Variants in NSUN2 observed in about 807,000 individuals in gnomAD.
NSUN2 encodes RNA cytosine C(5)-methyltransferase NSUN2.
Under a neutral mutation model 92.7 loss-of-function variants are expected in NSUN2, and 63 were observed. The observed-to-expected ratio is 0.68, with a 90% CI of 0.56 to 0.84. The LOEUF (loss-of-function observed/expected upper bound fraction) is 0.84, where lower values mean the gene tolerates loss of function less well. Ranked by LOEUF, NSUN2 falls within the 40% of genes least tolerant of loss-of-function variation. The pLI is 0.00. For missense variants in NSUN2, 989 were observed against 964.9 expected (o/e 1.02, Z -0.33); for synonymous variants, 356 against 348.3 (o/e 1.02, Z -0.25).
chr5:6,632,027 A>G, intron 2 of NSUN2, 50 bp from the exon 3 acceptor site: 1 of 1,374,686 alleles, frequency 7.3e-7, no homozygotes, highest in East Asian at 2.3e-5. Flanking sequence ...CTAAGTTAAT[A>G]CATTGTATCT....
rs1560979401 is a variant in NSUN2, at chr5:6,616,955, A to G, written c.891-98T>C. 4.5e-6 allele frequency: 5 copies of G among 1,104,246 alleles called. No individual in the cohort carries two copies. The East Asian group carries it at 7.8e-5, about 17-fold the overall frequency. 68.4% of individuals were successfully genotyped at this position (1,104,246 alleles called of 1,614,324 possible). ...TGTCACATATTCATTACAAGCTTTT[A>G]TAACACAATTATACTTAAAAAAAAC... On this transcript the variant is annotated intron_variant, in intron 8 of 18. Coordinates refer to ENST00000264670, the MANE Select transcript of NSUN2 (RefSeq NM_017755.6).
At position 6,611,777 on chromosome 5, in the gene NSUN2, A is replaced by C. The variant is rs1264021638; in HGVS notation, c.1043T>G (p.Val348Gly). 1.9e-6 allele frequency: 3 copies of C among 1,614,092 alleles called. No homozygotes were observed. The African/African-American group carries it at 4.0e-5, about 22-fold the overall frequency. The change falls in exon 10 of 19, where the codon GTG becomes GGG. Residue 348 changes from valine (V) to glycine (G), a missense_variant. By Grantham distance (109) the Val-to-Gly change is moderately radical (BLOSUM62 -3). Transcript: ENST00000264670. The stretch of plus-strand genomic sequence containing the variant: ...CTTCAGCCCTGGCAGTTCATTAGAC[A>C]CATCAGCAAGCTCCAAAGCACCTGT... ...KSEGALELAD[V>G]SNELPGLKWM...
intron 3 of NSUN2, among the ~76,000 whole-genome samples, chr5:6,630,617 G>C (rs1379071690): frequency 6.6e-6 from 1 of 152,180 alleles, no homozygotes; most frequent in Non-Finnish European, 1.5e-5. Flanking sequence ...CATTCATTGT[G>C]AATGTATATG....
chr5:6,614,252 C>A (rs901250468), intron 9 of NSUN2, among the ~76,000 whole-genome samples: 1 of 152,090 alleles, frequency 6.6e-6, no homozygotes, highest in Admixed American at 6.5e-5. Context: ...AAAGAACCAG[C>A]CAGCCAGTCT....
intron 12 of NSUN2, 62 bp from the exon 13 acceptor site, chr5:6,607,446 A>T: frequency 7.1e-7 from 1 of 1,398,748 alleles, no homozygotes; most frequent in Non-Finnish European, 9.8e-7. Flanking sequence ...TGCTACGAAA[A>T]GTTAAAAATA....
At position 6,632,959 on chromosome 5, in the gene NSUN2, A is replaced by G. The variant is rs184594943; in HGVS notation, c.21T>C (p.Gly7=). 0.024 allele frequency: 36,474 copies of G among 1,489,354 alleles called. 545 individuals carry two copies. Among genetic ancestry groups the G allele is most frequent in the Non-Finnish European group, 0.028 (31,341 of 1,128,280 alleles). The allele number at this position is 1,489,354 out of a possible 1,614,324, so 92.3% of individuals were successfully genotyped here. Residue 7 remains glycine, a synonymous_variant, in exon 1 of 19, where the codon GGT becomes GGC. Transcript: ENST00000264670. MGRRSR[G]RRLQQQQRPE... ...GCCGCTGCTGTTGCTGGAGCCGCCG[A>G]CCCCGCGACCGCCGCCCCATAGCCC...
chr5:6,620,794 C>CT (rs1248599539), intron 6 of NSUN2: 1 of 152,490 alleles, frequency 6.6e-6, no homozygotes, highest in Non-Finnish European at 1.5e-5. Context: ...CTCTGCTCAT[C>CT]TCTGGTTCTT....
chr5:6,611,665 ACT>A (rs1736998318), intron 10 of NSUN2, 58 bp downstream of exon 10: 6 of 1,391,184 alleles, frequency 4.3e-6, no homozygotes, highest in Middle Eastern at 3.5e-4. Context: ...TTGAAACTTG[ACT>A]CTACTTCAGT....
Position 6,614,095 on chromosome 5 carries a change from GAAA to G in NSUN2, c.1022-2300_1022-2298del, listed in dbSNP as rs70937111. Among the ~76,000 whole-genome samples, 37 of 34,684 alleles carry G rather than the reference GAAA, an allele frequency of 1.1e-3. 1 individual carries two copies. The highest frequency in any genetic ancestry group is 4.3e-3 in the African/African-American group (32 of 7,512). 22.8% of individuals were successfully genotyped at this position (34,684 alleles called of 152,430 possible). A position where few individuals can be genotyped will look rare whatever the true frequency, so the allele number is the denominator to read the frequency against. ...TGGGCAACAGAGCGAGACTGTCTCG[GAAA>G]AAAAAAAAAAAAAAAAAAAAAAAAC... On this transcript the variant is annotated intron_variant, in intron 9 of 18. Transcript: ENST00000264670.
chr5:6,633,025 G>A lies in NSUN2; in HGVS notation c.-46C>T, dbSNP rs1161525109. ...CAGCACGCAGAAACCGGCCCGCCAC[G>A]GCCAGAACTCTAGCCCTACACCTCC... On this transcript the variant is annotated 5_prime_UTR_variant, in exon 1 of 19. Transcript: ENST00000264670. 3.6e-6 allele frequency: 5 copies of A among 1,406,348 alleles called. No individual in the cohort carries two copies. Among genetic ancestry groups the A allele is most frequent in the Non-Finnish European group, 3.7e-6 (4 of 1,089,114 alleles). 87.1% of individuals were successfully genotyped at this position (1,406,348 alleles called of 1,614,324 possible). A position where few individuals can be genotyped will look rare whatever the true frequency, so the allele number is the denominator to read the frequency against.
At chr5:6,618,077 C>T (rs1737288457) in intron 7 of NSUN2, 53 bp from the exon 8 acceptor site, 3 of 1,143,038 alleles carry the variant, frequency 2.6e-6, no homozygotes, top group Non-Finnish European at 3.9e-6. Flanking sequence ...GATGACTGCA[C>T]TTTAACAGAT....
Position 6,611,773 on chromosome 5 carries a change from A to T in NSUN2, c.1047T>A (p.Ser349=). The change falls in exon 10 of 19, where the codon TCT becomes TCA. Residue 349 remains serine, a synonymous_variant. Coordinates refer to ENST00000264670, the MANE Select transcript of NSUN2 (RefSeq NM_017755.6). ...TCCACTTCAGCCCTGGCAGTTCATT[A>T]GACACATCAGCAAGCTCCAAAGCAC... ...SEGALELADV[S]NELPGLKWMP... 5 of 1,614,230 alleles carry T rather than the reference A, an allele frequency of 3.1e-6. No homozygotes were observed. Among genetic ancestry groups the T allele is most frequent in the Non-Finnish European group, 4.2e-6 (5 of 1,180,046 alleles).
At chr5:6,629,035 A>G (rs1322098024) in intron 3 of NSUN2, among the ~76,000 whole-genome samples, 1 of 152,218 alleles carries the variant, frequency 6.6e-6, no homozygotes, top group Non-Finnish European at 1.5e-5. Flanking sequence ...ACAGAGTGAG[A>G]CCCTGTCTCA....
intron 1 of NSUN2, 58 bp from the exon 2 acceptor site, chr5:6,632,814 C>G: frequency 6.4e-7 from 1 of 1,571,804 alleles, no homozygotes. Context: ...CTCGCCGCCG[C>G]CTCGCAGGCC....
intron 9 of NSUN2, among the ~76,000 whole-genome samples, chr5:6,612,932 C>G (rs975490423): frequency 6.6e-6 from 1 of 152,176 alleles, no homozygotes; most frequent in Admixed American, 6.5e-5. Context: ...AACGCACACC[C>G]CCTCCAGTCA....
At chr5:6,623,489 T>C (rs569028909) in intron 4 of NSUN2, among the ~76,000 whole-genome samples, 1 of 152,116 alleles carries the variant, frequency 6.6e-6, no homozygotes, top group African/African-American at 2.4e-5. Flanking sequence ...ATTCAAATAT[T>C]AGAAATTCAG....
rs1404168463 is a variant in NSUN2, at chr5:6,611,725, C to T, written c.1095G>A (p.Lys365=). The change falls in exon 10 of 19, where the codon AAG becomes AAA. Residue 365 remains lysine, a splice_region_variant and synonymous_variant. Transcript: ENST00000264670. ...ATGAAAGTTCTCGAGGAAAGGTTAC[C>T]TTCCACTGTGTGATTCCAGGCATCC... ...LKWMPGITQW[K]VMTKDGQWFT... 6.2e-7 allele frequency: 1 copy of T among 1,613,842 alleles called. No homozygotes were observed. The highest frequency in any genetic ancestry group is 8.5e-7 in the Non-Finnish European group (1 of 1,179,852).
chr5:6,632,678 G>T lies in NSUN2; in HGVS notation c.175C>A (p.Pro59Thr). Residue 59 changes from proline to threonine, a missense_variant, in exon 2 of 19, where the codon CCC becomes ACC. Around this residue, in one of 3 missense-constraint regions of NSUN2, gnomAD observed 356 missense variants for 338.6 expected, o/e 1.05. Transcript: ENST00000264670. ...ATGAACTGGCCCCACTCGCCCTCGG[G>T]CACGATCTTGAGCTCCTGGTAGTAG... ...EHYYQELKIV[P>T]EGEWGQFMDA... 6.2e-7 allele frequency: 1 copy of T among 1,614,146 alleles called. No homozygotes were observed. Among genetic ancestry groups the T allele is most frequent in the Non-Finnish European group, 8.5e-7 (1 of 1,180,022 alleles).
chr5:6,620,935 C>A (rs1737410768), intron 6 of NSUN2: 1 of 152,240 alleles, frequency 6.6e-6, no homozygotes. Context: ...CGCCAAGGCT[C>A]TTTACTGCCA....
Sources: gnomAD v4.1 joint callset for allele counts (sites outside exome capture counted in the v4.1 genomes callset) on GRCh38, gnomAD v4.1.1 for gene constraint, gnomAD v4.1.1 regional missense constraint, MANE v1.5 for transcripts, NCBI Gene and HGNC (gene_info 2026-07-23, HGNC 2026-07-21) for gene names.